BANP: variants seen among roughly 807,000 people sequenced by gnomAD.
BANP encodes protein BANP.
BANP carries 11 observed loss-of-function variants against 68.1 expected under a neutral mutation model. That is an observed-to-expected ratio of 0.16 (90% CI 0.10 to 0.27). The LOEUF is 0.27. BANP is among the 10% of genes least tolerant of loss of function. The pLI is 1.00. For missense variants in BANP, 504 were observed against 722.7 expected, an observed-to-expected ratio of 0.70 and a Z score of 3.47; for synonymous variants, 329 against 303.2, an observed-to-expected ratio of 1.09 and a Z score of -0.88.
rs535241649 is a variant in BANP at position 88,056,681 on chromosome 16, CTG to C, written c.1312-8583_1312-8582del. On this transcript the variant is annotated intron_variant, in intron 11 of 13. Coordinates refer to ENST00000682872, the MANE Select transcript of BANP (RefSeq NM_001386991.1). ...CTTTTGTTTAGCCCCGCATCAGACT[CTG>C]TGATGTCAGACAGTGGTGGCAGGCC... 1.6e-4 allele frequency among the ~76,000 whole-genome samples: 24 copies of C among 152,332 alleles called. No individual in the cohort carries two copies. The South Asian group carries it at 5.0e-3, about 32-fold the overall frequency.
intron 12 of BANP, among the ~76,000 whole-genome samples, chr16:88,067,312 A>G (rs1210336518): frequency 6.6e-6 from 1 of 152,088 alleles, no homozygotes; most frequent in Non-Finnish European, 1.5e-5. Flanking sequence ...CTCAGCCCCC[A>G]GCCAGTGTCA....
chr16:87,997,584 A>G (rs1290316596), intron 4 of BANP, among the ~76,000 whole-genome samples: 1 of 152,190 alleles, frequency 6.6e-6, no homozygotes, highest in Non-Finnish European at 1.5e-5. Context: ...TGTTCGTGGT[A>G]AAGTGGGTAA....
At chr16:87,962,330 T>C (rs1016631811) in intron 1 of BANP, among the ~76,000 whole-genome samples, 18 of 149,474 alleles carry the variant, frequency 1.2e-4, no homozygotes, top group African/African-American at 2.5e-5. Flanking sequence ...GAAAACGGAG[T>C]AAGACAGCGT....
Position 88,018,330 on chromosome 16 carries a change from G to T in BANP, c.656-98G>T, listed in dbSNP as rs1035004798. The T allele has an allele frequency of 1.4e-6, 2 of 1,451,062 alleles. No homozygotes were observed. The highest frequency in any genetic ancestry group is 1.3e-5 in the South Asian group (1 of 77,666). The allele number at this position is 1,451,062 out of a possible 1,614,324, so 89.9% of individuals were successfully genotyped here. A position where few individuals can be genotyped will look rare whatever the true frequency, so the allele number is the denominator to read the frequency against. On this transcript the variant is annotated intron_variant, in intron 6 of 13. Coordinates refer to ENST00000682872, the MANE Select transcript of BANP (RefSeq NM_001386991.1). This position sits in a 1 kb window ranked among gnomAD's most constrained non-coding sequence, Gnocchi z 7.7. Reference sequence around the variant, plus strand: ...AGGGATTTGCCCAGCCCTGCGTGGAGCATCTTTCCCGACTGTGCCTGAGCA... The same window carrying T: ...AGGGATTTGCCCAGCCCTGCGTGGATCATCTTTCCCGACTGTGCCTGAGCA...
At chr16:87,954,522 G>C (rs1309839153) in intron 1 of BANP, among the ~76,000 whole-genome samples, 2 of 152,208 alleles carry the variant, frequency 1.3e-5, no homozygotes, top group Non-Finnish European at 2.9e-5. Context: ...GTTTCCCCTC[G>C]GGTGATTGGG....
intron 7 of BANP, among the ~76,000 whole-genome samples, chr16:88,019,588 C>CAGCGTGCGGGGGGCGG (rs1555589432): frequency 2.6e-4 from 2 of 7,704 alleles, no homozygotes; most frequent in African/African-American, 7.4e-4. Context: ...TCCGGGATCT[C>CAGCGTGCGGGGGGCGG]GGCGTGCGGG....
chr16:88,001,242 G>T (rs555491008), intron 4 of BANP, among the ~76,000 whole-genome samples: 2 of 128,584 alleles, frequency 1.6e-5, no homozygotes, highest in Middle Eastern at 4.4e-3. Context: ...ATGCACGCAC[G>T]TGCGCGGCTG....
At position 88,066,512 on chromosome 16, in the gene BANP, G is replaced by C. The variant is rs532572470; in HGVS notation, c.1377+1180G>C. Reference sequence around the variant, plus strand: ...CTTCGACTCGGTGTCTGACACTGTGGCCTCTGTTCCCAAAAACAAGTGCCT... The same window carrying C: ...CTTCGACTCGGTGTCTGACACTGTGCCCTCTGTTCCCAAAAACAAGTGCCT... On this transcript the variant is annotated intron_variant, in intron 12 of 13. Coordinates refer to ENST00000682872, the MANE Select transcript of BANP (RefSeq NM_001386991.1). Among the ~76,000 whole-genome samples the C allele has an allele frequency of 2.8e-4, 43 of 152,310 alleles. 2 individuals are homozygous for C. In the East Asian group the frequency reaches 7.9e-3, roughly 28 times the overall value.
At chr16:88,049,926 G>A (rs1380550731) in intron 11 of BANP, among the ~76,000 whole-genome samples, 1 of 152,188 alleles carries the variant, frequency 6.6e-6, no homozygotes, top group African/African-American at 2.4e-5. Flanking sequence ...TGGGGATTTA[G>A]ATTACATACA....
chr16:88,061,403 A>C (rs551520638), intron 11 of BANP, among the ~76,000 whole-genome samples: 9 of 152,314 alleles, frequency 5.9e-5, no homozygotes, highest in Non-Finnish European at 1.3e-4. Context: ...CTTTTTCTCC[A>C]GGAGAAGCAG....
In BANP at chr16:87,957,786, C is replaced by T. The variant is rs1031098437; in HGVS notation, c.-69+6271C>T. Among the ~76,000 whole-genome samples, 2 of 152,250 alleles carry T rather than the reference C, an allele frequency of 1.3e-5. No individual in the cohort carries two copies. The highest frequency in any genetic ancestry group is 4.8e-5 in the African/African-American group (2 of 41,462). On this transcript the variant is annotated intron_variant, in intron 1 of 13. Coordinates refer to ENST00000682872, the MANE Select transcript of BANP (RefSeq NM_001386991.1). The surrounding 1 kb of genome is among the most constrained non-coding windows in gnomAD (Gnocchi z 4.3). The stretch of plus-strand genomic sequence containing the variant: ...TATGGCAGAACGCCTTCACCTTTCA[C>T]CAGATGACGCGGGGGGAATTGGGCC...
chr16:87,949,920 C>T (rs1220498189), upstream of BANP, among the ~76,000 whole-genome samples: 5 of 151,262 alleles, frequency 3.3e-5, no homozygotes, highest in Admixed American at 3.3e-4. Flanking sequence ...TTCTGCTGCC[C>T]AGGCTGGAGT....
At chr16:88,026,171 A>G (rs1243539631) in intron 7 of BANP, among the ~76,000 whole-genome samples, 1 of 152,242 alleles carries the variant, frequency 6.6e-6, no homozygotes, top group Non-Finnish European at 1.5e-5. Flanking sequence ...TGGGGGTCCC[A>G]GGACAGTTCT....
At chr16:88,059,864 G>C (rs1335768280) in intron 11 of BANP, among the ~76,000 whole-genome samples, 1 of 151,862 alleles carries the variant, frequency 6.6e-6, no homozygotes, top group Non-Finnish European at 1.5e-5. Context: ...AGATGCACTT[G>C]AGACCCGGCA....
chr16:88,048,946 C>T (rs1184305541), intron 11 of BANP, among the ~76,000 whole-genome samples: 5 of 152,114 alleles, frequency 3.3e-5, no homozygotes, highest in Admixed American at 2.0e-4. Flanking sequence ...TGAGACTGCA[C>T]GGTGCACTGG....
rs767254700 is a variant in BANP, at chr16:87,957,089, C to T, written c.-69+5574C>T. On this transcript the variant is annotated intron_variant, in intron 1 of 13. Coordinates refer to ENST00000682872, the MANE Select transcript of BANP (RefSeq NM_001386991.1). The surrounding 1 kb of genome is among the most constrained non-coding windows in gnomAD (Gnocchi z 4.3). ...GAAAGAACCACTCTGCAATCCTTCG[C>T]GTCTACACTTCGTCAAGAACCGTCC... The T allele has an allele frequency of 1.1e-4, 17 of 152,168 alleles. No individual in the cohort carries two copies. The highest frequency in any genetic ancestry group is 2.7e-4 in the African/African-American group (11 of 41,424). 9.4% of individuals were successfully genotyped at this position (152,168 alleles called of 1,614,324 possible).
At chr16:88,012,122 A>G (rs1460486180) in intron 6 of BANP, among the ~76,000 whole-genome samples, 2 of 152,336 alleles carry the variant, frequency 1.3e-5, no homozygotes, top group East Asian at 1.9e-4. Flanking sequence ...CTTATTCTCT[A>G]CCTTGAATAG....
At chr16:88,029,342 G>A (rs974704805) in intron 8 of BANP, among the ~76,000 whole-genome samples, 7 of 148,386 alleles carry the variant, frequency 4.7e-5, no homozygotes, top group African/African-American at 9.9e-5. Context: ...GGGTGCTGTG[G>A]CTCACGCATG....
intron 7 of BANP, among the ~76,000 whole-genome samples, chr16:88,019,598 GATCTCAGC>G (rs1567772714): frequency 2.7e-3 from 111 of 41,690 alleles, no homozygotes; most frequent in African/African-American, 9.3e-3. Context: ...CGGCGTGCGG[GATCTCAGC>G]GTGCGGGGGG....
Sources: allele counts gnomAD v4.1 joint callset (sites outside exome capture counted in the v4.1 genomes callset), GRCh38; gene constraint gnomAD v4.1.1; non-coding constraint Gnocchi (gnomAD v3.1); transcripts MANE v1.5; gene names NCBI Gene and HGNC (gene_info 2026-07-23, HGNC 2026-07-21).